Variants in OR4D1 observed in about 807,000 individuals in gnomAD.
OR4D1 encodes olfactory receptor 4D1.
Under a neutral mutation model 14.2 loss-of-function variants are expected in OR4D1, and 10 were observed. The observed-to-expected ratio is 0.71, with a 90% CI of 0.44 to 1.20. The LOEUF (loss-of-function observed/expected upper bound fraction) is 1.20, where lower values mean the gene tolerates loss of function less well. OR4D1 is among the 50% of genes most tolerant of loss of function. The probability of loss-of-function intolerance (pLI) is 0.00; values close to 1 mark genes in which losing one functional copy is unlikely to be tolerated. For missense variants in OR4D1, 345 were observed against 376.6 expected (o/e 0.92, Z 0.70); for synonymous variants, 141 against 147.4 (o/e 0.96, Z 0.32).
intron 3 of OR4D1, among the ~76,000 whole-genome samples, chr17:58,154,235 T>C (rs1472422306): frequency 6.6e-6 from 1 of 151,144 alleles, no homozygotes; most frequent in Non-Finnish European, 1.5e-5. Flanking sequence ...AGTGGGATTA[T>C]AGGCATGAGC....
intron 2 of OR4D1, among the ~76,000 whole-genome samples, chr17:58,152,175 T>G (rs1967711946): frequency 6.6e-6 from 1 of 152,238 alleles, no homozygotes; most frequent in Non-Finnish European, 1.5e-5. Flanking sequence ...TAGCTAATTT[T>G]TGTATTTTCA....
At chr17:58,153,536 T>C (rs958012349) in intron 2 of OR4D1, among the ~76,000 whole-genome samples, 10 of 152,342 alleles carry the variant, frequency 6.6e-5, no homozygotes, top group East Asian at 1.9e-4. Flanking sequence ...CATTTGTCCA[T>C]AGAGGTTTAT....
At position 58,155,313 on chromosome 17, in the gene OR4D1, C is replaced by A; in HGVS notation, c.160C>A (p.Arg54=). Residue 54 remains arginine, a synonymous_variant, in exon 4 of 4, where the codon CGG becomes AGG. Transcript: ENST00000268912. ...LIMVTVTFDC[R]LHTPMYFLLR... The stretch of plus-strand genomic sequence containing the variant: ...CATGGTCACAGTGACTTTTGACTGC[C>A]GGCTCCACACACCCATGTATTTTCT... 1 of 1,613,802 alleles carries A rather than the reference C, an allele frequency of 6.2e-7. No individual in the cohort carries two copies. Among genetic ancestry groups the A allele is most frequent in the Non-Finnish European group, 8.5e-7 (1 of 1,180,002 alleles).
rs1967780695 is a variant in OR4D1 at position 58,156,813 on chromosome 17, A to G, written c.*727A>G. On this transcript the variant is annotated 3_prime_UTR_variant, in exon 4 of 4. Transcript: ENST00000268912. ...CCTAGAGAGGTCTTCGTCTATAGAG[A>G]AGTATCTCTGATGAATGGTCAACTG... 1 of 268,040 alleles carries G rather than the reference A, an allele frequency of 3.7e-6. No individual in the cohort carries two copies. Among genetic ancestry groups the G allele is most frequent in the Non-Finnish European group, 7.2e-6 (1 of 138,914 alleles). The allele number at this position is 268,040 out of a possible 1,614,324, so 16.6% of individuals were successfully genotyped here. A position where few individuals can be genotyped will look rare whatever the true frequency, so the allele number is the denominator to read the frequency against.
chr17:58,157,083 G>A lies in OR4D1; in HGVS notation c.*997G>A. 6.9e-7 allele frequency: 1 copy of A among 1,452,806 alleles called. No individual in the cohort carries two copies. The highest frequency in any genetic ancestry group is 9.2e-7 in the Non-Finnish European group (1 of 1,089,770). The allele number at this position is 1,452,806 out of a possible 1,614,324, so 90.0% of individuals were successfully genotyped here. A position where few individuals can be genotyped will look rare whatever the true frequency, so the allele number is the denominator to read the frequency against. On this transcript the variant is annotated 3_prime_UTR_variant, in exon 4 of 4. Coordinates refer to ENST00000268912, the MANE Select transcript of OR4D1 (RefSeq NM_001386095.1). ...GGCGGTCGGGCCAGGTCCGGGGCCTGGGGACGCCGAGGCGGCCGCGGAGGA... is the reference window on the plus strand; with the variant it reads ...GGCGGTCGGGCCAGGTCCGGGGCCTAGGGACGCCGAGGCGGCCGCGGAGGA...
Position 58,155,349 on chromosome 17 carries a change from C to CTAGCT in OR4D1, c.197_201dup (p.Leu68Ter), listed in dbSNP as rs1967753884. ...ACCCATGTATTTTCTGCTCCGAAAT[C>CTAGCT]TAGCTCTCATAGACCTCTGCTATTC... On this transcript the variant is annotated frameshift_variant, in exon 4 of 4. Coordinates refer to ENST00000268912, the MANE Select transcript of OR4D1 (RefSeq NM_001386095.1). LOFTEE classifies it high-confidence loss of function. 1 of 1,614,188 alleles carries CTAGCT rather than the reference C, an allele frequency of 6.2e-7. No individual in the cohort carries two copies. The highest frequency in any genetic ancestry group is 1.3e-5 in the African/African-American group (1 of 75,036).
chr17:58,157,851 G>A lies in OR4D1; in HGVS notation c.*1765G>A, dbSNP rs894417748. ...CCATGATGGATGTTTGTTTCAAAGG[G>A]TTTCCTCTCCCTCTCCAAGAAGGCA... On this transcript the variant is annotated 3_prime_UTR_variant, in exon 4 of 4. Transcript: ENST00000268912. 2.6e-6 allele frequency: 4 copies of A among 1,548,838 alleles called. No individual in the cohort carries two copies. The highest frequency in any genetic ancestry group is 4.5e-5 in the East Asian group (2 of 44,564).
In OR4D1 at chr17:58,155,719, G is replaced by A. The variant is rs571376397; in HGVS notation, c.566G>A (p.Cys189Tyr). ...CDVPQVLRLA[C>Y]TDTSLLEFLM... ...GTTCCCCAAGTACTGAGACTTGCCT[G>A]CACTGATACCTCCCTCCTGGAGTTC... is the stretch of plus-strand genomic sequence containing the variant. Residue 189 changes from cysteine (C) to tyrosine (Y), a missense_variant, in exon 4 of 4, where the codon TGC becomes TAC. By Grantham distance (194) the Cys-to-Tyr change is radical. Transcript: ENST00000268912. 1.2e-6 allele frequency: 2 copies of A among 1,614,110 alleles called. No homozygotes were observed. The highest frequency in any genetic ancestry group is 3.3e-5 in the Admixed American group (2 of 60,016).
rs1270399149 is a variant in OR4D1 at position 58,157,714 on chromosome 17, A to G, written c.*1628A>G. ...TGCAGGCAGCGTCCATATACGCAGCATCCTACCCGTTCCATAGACCTGTGC... is the reference window on the plus strand; with the variant it reads ...TGCAGGCAGCGTCCATATACGCAGCGTCCTACCCGTTCCATAGACCTGTGC... On this transcript the variant is annotated 3_prime_UTR_variant, in exon 4 of 4. Coordinates refer to ENST00000268912, the MANE Select transcript of OR4D1 (RefSeq NM_001386095.1). The G allele has an allele frequency of 6.2e-7, 1 of 1,613,762 alleles. No individual in the cohort carries two copies. Among genetic ancestry groups the G allele is most frequent in the Admixed American group, 1.7e-5 (1 of 59,998 alleles).
chr17:58,157,076 G>A lies in OR4D1; in HGVS notation c.*990G>A. On this transcript the variant is annotated 3_prime_UTR_variant, in exon 4 of 4. Transcript: ENST00000268912. ...CAGCGGTGGCGGTCGGGCCAGGTCC[G>A]GGGCCTGGGGACGCCGAGGCGGCCG... 6.9e-7 allele frequency: 1 copy of A among 1,441,002 alleles called. No individual in the cohort carries two copies. The highest frequency in any genetic ancestry group is 9.3e-7 in the Non-Finnish European group (1 of 1,078,226). The allele number at this position is 1,441,002 out of a possible 1,614,324, so 89.3% of individuals were successfully genotyped here.
rs764406201 is a variant in OR4D1, at chr17:58,155,575, G to C, written c.422G>C (p.Cys141Ser). The C allele has an allele frequency of 1.2e-6, 2 of 1,614,138 alleles. No individual in the cohort carries two copies. Among genetic ancestry groups the C allele is most frequent in the South Asian group, 2.2e-5 (2 of 91,084 alleles). ...GTCACCATCATGAACACTCAATTGT[G>C]TGTGGGCCTGGTAGTAGCCGCCTGG... ...RYVTIMNTQL[C>S]VGLVVAAWVG... The change falls in exon 4 of 4, where the codon TGT (cysteine) becomes TCT (serine). Residue 141 changes from cysteine to serine, a missense_variant. Transcript: ENST00000268912.
Position 58,157,575 on chromosome 17 carries a change from A to T in OR4D1, c.*1489A>T. The T allele has an allele frequency of 1.9e-6, 3 of 1,598,908 alleles. No homozygotes were observed. The highest frequency in any genetic ancestry group is 2.6e-6 in the Non-Finnish European group (3 of 1,166,408). ...ACTCAGGTCAAAATCTTGTTCCAGA[A>T]CCGAAGGGCCAAGACGAAAAGACTG... On this transcript the variant is annotated 3_prime_UTR_variant, in exon 4 of 4. Coordinates refer to ENST00000268912, the MANE Select transcript of OR4D1 (RefSeq NM_001386095.1).
At chr17:58,151,535 T>C (rs7350932) in intron 2 of OR4D1, among the ~76,000 whole-genome samples, 81,196 of 152,024 alleles carry the variant, frequency 0.53, 23,013 homozygotes, top group East Asian at 0.84. Context: ...TCTGTTCCTG[T>C]GTTAGTTTGC....
At position 58,157,658 on chromosome 17, in the gene OR4D1, T is replaced by C; in HGVS notation, c.*1572T>C. The C allele has an allele frequency of 6.2e-7, 1 of 1,613,870 alleles. No individual in the cohort carries two copies. Among genetic ancestry groups the C allele is most frequent in the Admixed American group, 1.7e-5 (1 of 60,016 alleles). On this transcript the variant is annotated 3_prime_UTR_variant, in exon 4 of 4. Transcript: ENST00000268912. ...TGCAAAACCTATGCTACCCTCCAGC[T>C]TCAGTCTCCCTTTCCCCATCAGCTC...
chr17:58,150,949 T>G (rs1231736771), intron 2 of OR4D1, among the ~76,000 whole-genome samples: 1 of 152,202 alleles, frequency 6.6e-6, no homozygotes, highest in East Asian at 1.9e-4. Context: ...ATTATAATAC[T>G]TCTTTTGCTT....
chr17:58,153,154 G>A (rs546738040), intron 2 of OR4D1, among the ~76,000 whole-genome samples: 2 of 152,142 alleles, frequency 1.3e-5, no homozygotes, highest in Non-Finnish European at 2.9e-5. Flanking sequence ...GGTGGAGAAA[G>A]GACACAAAAT....
In OR4D1 at chr17:58,155,537, G is replaced by A; in HGVS notation, c.384G>A (p.Gln128=). The change falls in exon 4 of 4, where the codon CAG becomes CAA. Residue 128 remains glutamine (Q), a synonymous_variant. Transcript: ENST00000268912. ...ATGACCGCTACATAGCCATCTCCCAGCCCCTCCGGTATGTCACCATCATGA... is the reference window on the plus strand; with the variant it reads ...ATGACCGCTACATAGCCATCTCCCAACCCCTCCGGTATGTCACCATCATGA... ...MAYDRYIAIS[Q]PLRYVTIMNT... 6.2e-7 allele frequency: 1 copy of A among 1,614,066 alleles called. No individual in the cohort carries two copies. Among genetic ancestry groups the A allele is most frequent in the Non-Finnish European group, 8.5e-7 (1 of 1,180,002 alleles).
rs8081708 is a variant in OR4D1 at position 58,157,067 on chromosome 17, G to A, written c.*981G>A. 0.3 allele frequency: 417,297 copies of A among 1,394,018 alleles called. 68,431 individuals carry two copies. The highest frequency in any genetic ancestry group is 0.65 in the African/African-American group (45,257 of 69,958). 86.4% of individuals were successfully genotyped at this position (1,394,018 alleles called of 1,614,324 possible). On this transcript the variant is annotated 3_prime_UTR_variant, in exon 4 of 4. Transcript: ENST00000268912. ...AGAAGGGGCCAGCGGTGGCGGTCGG[G>A]CCAGGTCCGGGGCCTGGGGACGCCG...
chr17:58,157,198 C>A lies in OR4D1; in HGVS notation c.*1112C>A. 6.8e-7 allele frequency: 1 copy of A among 1,460,742 alleles called. No individual in the cohort carries two copies. The allele number at this position is 1,460,742 out of a possible 1,614,324, so 90.5% of individuals were successfully genotyped here. A position where few individuals can be genotyped will look rare whatever the true frequency, so the allele number is the denominator to read the frequency against. On this transcript the variant is annotated 3_prime_UTR_variant, in exon 4 of 4. Coordinates refer to ENST00000268912, the MANE Select transcript of OR4D1 (RefSeq NM_001386095.1). ...CCCAAGGAGGCATCCCCAGTGCCGG[C>A]CAAAAGCGCCTCTTCCGGGGCCACC...
Sources: allele counts gnomAD v4.1 joint callset (sites outside exome capture counted in the v4.1 genomes callset), GRCh38; gene constraint gnomAD v4.1.1; transcripts MANE v1.5; gene names NCBI Gene and HGNC (gene_info 2026-07-23, HGNC 2026-07-21).